ADAMTS17: variants seen among roughly 807,000 people sequenced by gnomAD.
ADAMTS17 encodes ADAM metallopeptidase with thrombospondin type 1 motif 17, also known as A disintegrin and metalloproteinase with thrombospondin motifs 17.
In ADAMTS17, 113 loss-of-function variants were observed where a neutral mutation model predicts 141.5. That is an observed-to-expected ratio of 0.80 (90% CI 0.69 to 0.93). The LOEUF is 0.93. ADAMTS17 is among the 40% of genes least tolerant of loss of function. ADAMTS17 has a pLI of 0.00. For missense variants in ADAMTS17, 1,659 were observed against 1,517.9 expected (o/e 1.09, Z -1.54); for synonymous variants, 768 against 630.6 (o/e 1.22, Z -3.27).
chr15:100,167,810 C>T (rs929111584), intron 8 of ADAMTS17, among the ~76,000 whole-genome samples: 3 of 152,172 alleles, frequency 2.0e-5, no homozygotes, highest in Non-Finnish European at 2.9e-5. Context: ...TTTTAGAGGA[C>T]GATAATTTAT....
rs1463626362 is a variant in ADAMTS17 at position 100,196,596 on chromosome 15, G to A, written c.1181+2722C>T. Among the ~76,000 whole-genome samples the A allele has an allele frequency of 2.0e-5, 3 of 152,280 alleles. No individual in the cohort carries two copies. In the South Asian group the frequency reaches 6.2e-4, roughly 32 times the overall value. On this transcript the variant is annotated intron_variant, in intron 8 of 21. Transcript: ENST00000268070. ...ATGTTTCACTTTGTCAGCATTCCAT[G>A]GTAAGGGACCGGTGGGTGAGCCACC...
Position 100,092,168 on chromosome 15 carries a change from AC to A in ADAMTS17, c.2137+4187del, listed in dbSNP as rs1596399513. 3.3e-5 allele frequency among the ~76,000 whole-genome samples: 5 copies of A among 152,188 alleles called. No homozygotes were observed. The South Asian group carries it at 6.2e-4, about 19-fold the overall frequency. The stretch of plus-strand genomic sequence containing the variant: ...GTGTGCTTGAGGGGAAAGAAAACTT[AC>A]CCCCAGCAGGCTAGGGTACGTTTCC... On this transcript the variant is annotated intron_variant, in intron 15 of 21. Coordinates refer to ENST00000268070, the MANE Select transcript of ADAMTS17 (RefSeq NM_139057.4).
chr15:100,187,396 A>G (rs2040757097), intron 8 of ADAMTS17, among the ~76,000 whole-genome samples: 1 of 152,200 alleles, frequency 6.6e-6, no homozygotes, highest in Non-Finnish European at 1.5e-5. Flanking sequence ...TGAACTTTAC[A>G]GTCACTTTGT....
intron 10 of ADAMTS17, among the ~76,000 whole-genome samples, chr15:100,147,263 G>A (rs2038953028): frequency 6.6e-6 from 1 of 152,078 alleles, no homozygotes; most frequent in South Asian, 2.1e-4. Context: ...TGATGCTTAA[G>A]GAAAATAGAA....
chr15:100,194,220 G>A (rs1318729804), intron 8 of ADAMTS17, among the ~76,000 whole-genome samples: 1 of 152,090 alleles, frequency 6.6e-6, no homozygotes, highest in Non-Finnish European at 1.5e-5. Context: ...TTACCTGATT[G>A]AGACACAGGT....
intron 6 of ADAMTS17, 61 bp downstream of exon 6, chr15:100,261,418 T>G (rs974353062): frequency 1.4e-5 from 22 of 1,609,782 alleles, no homozygotes; most frequent in Non-Finnish European, 1.9e-5. Flanking sequence ...GCCTATTTCC[T>G]CTCTGAAGGG....
chr15:100,270,143 C>T (rs916492080), intron 4 of ADAMTS17, among the ~76,000 whole-genome samples: 4 of 152,056 alleles, frequency 2.6e-5, no homozygotes, highest in African/African-American at 9.7e-5. Context: ...GCCATTTCTT[C>T]TGTGACTCTG....
At chr15:100,307,783 A>G (rs1338267276) in intron 3 of ADAMTS17, among the ~76,000 whole-genome samples, 16 of 152,224 alleles carry the variant, frequency 1.1e-4, no homozygotes, top group Admixed American at 9.2e-4. Context: ...AAAGAGCACA[A>G]CAGTGTGGGT....
intron 7 of ADAMTS17, among the ~76,000 whole-genome samples, chr15:100,201,620 A>G (rs1458277412): frequency 6.6e-6 from 1 of 152,312 alleles, no homozygotes; most frequent in Non-Finnish European, 1.5e-5. Context: ...GGGCCCAGGT[A>G]CCTCATTGTG....
chr15:100,273,592 G>A (rs919499548), intron 4 of ADAMTS17, among the ~76,000 whole-genome samples: 20 of 151,998 alleles, frequency 1.3e-4, no homozygotes, highest in Admixed American at 1.1e-3. Flanking sequence ...TTTATCAGTC[G>A]ATCTAGCTAA....
chr15:100,063,266 A>C (rs2033259753), intron 15 of ADAMTS17, among the ~76,000 whole-genome samples: 1 of 152,184 alleles, frequency 6.6e-6, no homozygotes, highest in South Asian at 2.1e-4. Flanking sequence ...TTTCCAGCTA[A>C]GAAGTCATCC....
chr15:100,038,970 C>G (rs917240576), intron 18 of ADAMTS17, among the ~76,000 whole-genome samples: 9 of 152,312 alleles, frequency 5.9e-5, no homozygotes, highest in African/African-American at 2.2e-4. Context: ...GCTCTTTATT[C>G]GGTTTCAGTA....
At chr15:100,133,181 G>A in intron 11 of ADAMTS17, 33 bp downstream of exon 11, 1 of 1,545,616 alleles carries the variant, frequency 6.5e-7, no homozygotes, top group East Asian at 2.4e-5. Flanking sequence ...ATGTGGAGCT[G>A]CCTGTTGGGG....
intron 3 of ADAMTS17, among the ~76,000 whole-genome samples, chr15:100,307,991 G>A (rs1198435244): frequency 6.6e-6 from 1 of 152,218 alleles, no homozygotes; most frequent in Non-Finnish European, 1.5e-5. Context: ...AGCAGCTGGT[G>A]CATATCCTGC....
intron 7 of ADAMTS17, 77 bp downstream of exon 7, chr15:100,254,059 C>T: frequency 1.4e-6 from 2 of 1,406,170 alleles, no homozygotes; most frequent in Non-Finnish European, 2.0e-6. Context: ...GACAGCTCCT[C>T]CACTGTGACC....
chr15:100,310,779 G>A (rs8029491), intron 3 of ADAMTS17, among the ~76,000 whole-genome samples: 98,050 of 152,080 alleles, frequency 0.64, 32,985 homozygotes, highest in African/African-American at 0.85. Flanking sequence ...AAACGCCACG[G>A]CAGGGGGTTT....
intron 15 of ADAMTS17, among the ~76,000 whole-genome samples, chr15:100,073,410 T>C (rs545124965): frequency 6.6e-6 from 1 of 152,306 alleles, no homozygotes; most frequent in Admixed American, 6.5e-5. Context: ...ATCCCATTAC[T>C]GGGTGTATAC....
chr15:100,039,285 C>T (rs1438416169), intron 18 of ADAMTS17, among the ~76,000 whole-genome samples: 1 of 152,084 alleles, frequency 6.6e-6, no homozygotes, highest in African/African-American at 2.4e-5. Context: ...ATTCTGCTTG[C>T]TTTAGGTTCT....
chr15:100,086,362 TAGAA>T (rs1488713324), intron 15 of ADAMTS17, among the ~76,000 whole-genome samples: 5 of 148,304 alleles, frequency 3.4e-5, no homozygotes, highest in African/African-American at 1.3e-4. Context: ...CCTTAGTGAC[TAGAA>T]AGAGACTTAG....
Sources: gnomAD v4.1 joint callset for allele counts (sites outside exome capture counted in the v4.1 genomes callset) on GRCh38, gnomAD v4.1.1 for gene constraint, MANE v1.5 for transcripts, NCBI Gene and HGNC (gene_info 2026-07-23, HGNC 2026-07-21) for gene names.